Variants in GRIA4 observed in about 807,000 individuals in gnomAD.
The protein encoded by GRIA4 is glutamate ionotropic receptor AMPA type subunit 4.
A neutral mutation model predicts 104.0 loss-of-function variants in GRIA4; 34 were observed. The observed-to-expected ratio is 0.33, with a 90% confidence interval of 0.25 to 0.44. The LOEUF is 0.44. Ranked by LOEUF, GRIA4 falls within the 20% of genes least tolerant of loss-of-function variation. The probability of loss-of-function intolerance (pLI) is 1.00; values close to 1 mark genes in which losing one functional copy is unlikely to be tolerated. For missense variants in GRIA4, 750 were observed against 1,096.5 expected (o/e 0.68, Z 4.46); for synonymous variants, 386 against 381.9 (o/e 1.01, Z -0.13).
intron 3 of GRIA4, among the ~76,000 whole-genome samples, chr11:105,720,025 T>G (rs1293312328): frequency 6.6e-6 from 1 of 151,908 alleles, no homozygotes; most frequent in African/African-American, 2.4e-5. Context: ...GCAAAATGTA[T>G]TCACTTGCCA....
chr11:105,649,894 G>A (rs1951637617), intron 3 of GRIA4, among the ~76,000 whole-genome samples: 1 of 151,840 alleles, frequency 6.6e-6, no homozygotes, highest in Admixed American at 6.6e-5. Context: ...AATAATTATT[G>A]AAATAATGAA....
intron 3 of GRIA4, among the ~76,000 whole-genome samples, chr11:105,728,959 C>G (rs2135599045): frequency 6.6e-6 from 1 of 152,074 alleles, no homozygotes; most frequent in African/African-American, 2.4e-5. Context: ...GAAGCAAGAG[C>G]AAACAAATTC....
chr11:105,797,035 G>T (rs1187940929), intron 4 of GRIA4, among the ~76,000 whole-genome samples: 1 of 151,804 alleles, frequency 6.6e-6, no homozygotes, highest in Non-Finnish European at 1.5e-5. Flanking sequence ...GCAACATGGT[G>T]AACCCCCGTC....
At chr11:105,667,900 A>G (rs1457310802) in intron 3 of GRIA4, among the ~76,000 whole-genome samples, 4 of 151,932 alleles carry the variant, frequency 2.6e-5, no homozygotes, top group Non-Finnish European at 4.4e-5. Context: ...CATGTGTGTT[A>G]TATATGTATT....
intron 4 of GRIA4, among the ~76,000 whole-genome samples, chr11:105,787,449 A>G (rs543896025): frequency 6.7e-6 from 1 of 149,786 alleles, no homozygotes; most frequent in Non-Finnish European, 1.5e-5. Context: ...GACTAAAAGC[A>G]GTCTAAAAGA....
intron 3 of GRIA4, among the ~76,000 whole-genome samples, chr11:105,744,406 C>T (rs1448052446): frequency 2.6e-5 from 4 of 151,952 alleles, no homozygotes; most frequent in Non-Finnish European, 4.4e-5. Flanking sequence ...AACAATTTGC[C>T]CCAAACCAAG....
At position 105,632,208 on chromosome 11, in the gene GRIA4, T is replaced by G. The variant is rs552180190; in HGVS notation, c.247+19774T>G. ...AGAGGATAGACACAAGAAAGTGAAA[T>G]GGACTGAATTAAAGTCTTACTCCTC... On this transcript the variant is annotated intron_variant, in intron 3 of 16. Transcript: ENST00000282499. Among the ~76,000 whole-genome samples the G allele has an allele frequency of 6.6e-5, 10 of 152,268 alleles. No individual in the cohort carries two copies. The South Asian group carries it at 1.2e-3, about 19-fold the overall frequency.
intron 3 of GRIA4, among the ~76,000 whole-genome samples, chr11:105,732,324 C>A (rs1014676879): frequency 6.6e-6 from 1 of 152,080 alleles, no homozygotes; most frequent in Non-Finnish European, 1.5e-5. Context: ...TATAGAAGTG[C>A]CCAGCGTTGA....
intron 4 of GRIA4, among the ~76,000 whole-genome samples, chr11:105,852,170 A>G (rs1400239103): frequency 6.6e-6 from 1 of 152,190 alleles, no homozygotes; most frequent in Admixed American, 6.6e-5. Flanking sequence ...GTAAATGACT[A>G]ATGACCAAAT....
intron 3 of GRIA4, among the ~76,000 whole-genome samples, chr11:105,684,022 G>A (rs947159171): frequency 9.2e-5 from 14 of 151,964 alleles, no homozygotes; most frequent in Non-Finnish European, 1.8e-4. Flanking sequence ...TTACAGGCAT[G>A]CACCACCACA....
chr11:105,719,339 G>C (rs1223762510), intron 3 of GRIA4, among the ~76,000 whole-genome samples: 4 of 152,070 alleles, frequency 2.6e-5, no homozygotes, highest in African/African-American at 9.7e-5. Context: ...ACGAGCGGCT[G>C]GCTATGTTTT....
chr11:105,794,469 GTATGTATATA>G (rs1196945861), intron 4 of GRIA4, among the ~76,000 whole-genome samples: 651 of 40,760 alleles, frequency 0.016, 42 homozygotes, highest in African/African-American at 0.045. Context: ...GTGTGTATAT[GTATGTATATA>G]TATATATATA....
intron 3 of GRIA4, among the ~76,000 whole-genome samples, chr11:105,751,492 C>G (rs999455402): frequency 1.3e-5 from 2 of 152,154 alleles, no homozygotes; most frequent in Admixed American, 6.6e-5. Context: ...TACAGCCAGT[C>G]ACATTGTCAG....
intron 3 of GRIA4, among the ~76,000 whole-genome samples, chr11:105,727,995 C>T (rs1938329075): frequency 1.3e-5 from 2 of 152,248 alleles, no homozygotes; most frequent in Non-Finnish European, 2.9e-5. Context: ...GAGCTAGCAT[C>T]ATAATGACAG....
intron 2 of GRIA4, 107 bp downstream of exon 2, chr11:105,611,192 C>T (rs898023400): frequency 1.7e-5 from 13 of 783,320 alleles, no homozygotes; most frequent in Non-Finnish European, 2.5e-5. Flanking sequence ...TCAGCAGTTC[C>T]CTTCCCCTCT....
chr11:105,898,301 A>T lies in GRIA4; in HGVS notation c.759A>T (p.Ile253=). 6.4e-7 allele frequency: 1 copy of T among 1,569,182 alleles called. No individual in the cohort carries two copies. The highest frequency in any genetic ancestry group is 8.8e-7 in the Non-Finnish European group (1 of 1,139,494). The change falls in exon 7 of 17, where the codon ATA becomes ATT. Residue 253 remains isoleucine, a synonymous_variant. Coordinates refer to ENST00000282499, the MANE Select transcript of GRIA4 (RefSeq NM_000829.4). ...GFKDISLERF[I]HGGANVTGFQ... ...AGGATATTTCTCTTGAGAGGTTTAT[A>T]CATGGTGGAGCCAATGTTACTGGAT...
At chr11:105,734,780 A>G (rs1938828950) in intron 3 of GRIA4, among the ~76,000 whole-genome samples, 1 of 152,174 alleles carries the variant, frequency 6.6e-6, no homozygotes, top group South Asian at 2.1e-4. Context: ...GTTATCAGTC[A>G]ATTTAAGTTT....
chr11:105,946,909 A>G (rs932432966), intron 14 of GRIA4, among the ~76,000 whole-genome samples: 1 of 152,198 alleles, frequency 6.6e-6, no homozygotes, highest in Admixed American at 6.5e-5. Context: ...CCAGTAATAC[A>G]GGTCTACCAT....
At chr11:105,677,753 G>A (rs1310093991) in intron 3 of GRIA4, among the ~76,000 whole-genome samples, 5 of 151,922 alleles carry the variant, frequency 3.3e-5, no homozygotes, top group Admixed American at 2.6e-4. Flanking sequence ...TCTAAATGAG[G>A]ATAAGCAACT....
Sources: gnomAD v4.1 joint callset for allele counts (sites outside exome capture counted in the v4.1 genomes callset) on GRCh38, gnomAD v4.1.1 for gene constraint, MANE v1.5 for transcripts, NCBI Gene and HGNC (gene_info 2026-07-23, HGNC 2026-07-21) for gene names.